The following PSG7 variants were observed in gnomAD, a reference collection of about 807,000 sequenced individuals.
PSG7 encodes pregnancy specific beta-1-glycoprotein 7.
PSG7 carries 57 observed loss-of-function variants against 45.6 expected under a neutral mutation model. That is an observed-to-expected ratio of 1.25 (90% CI 1.01 to 1.56). PSG7 has a LOEUF of 1.56. Among genes scored for constraint, PSG7 ranks in the 40% most tolerant of loss-of-function variants. The pLI is 0.00. For synonymous variants in PSG7, 298 were observed against 194.4 expected, an observed-to-expected ratio of 1.53 and a Z score of -4.43; for missense variants, 796 against 508.4, an observed-to-expected ratio of 1.57 and a Z score of -5.44.
At chr19:42,934,477 T>C (rs896954032) in intron 2 of PSG7, among the ~76,000 whole-genome samples, 13 of 151,618 alleles carry the variant, frequency 8.6e-5, no homozygotes, top group African/African-American at 1.2e-4. Flanking sequence ...GTGACTGTGC[T>C]TTCCTGTGAC....
At position 42,925,198 on chromosome 19, in the gene PSG7, T is replaced by C. The variant is rs1972497794; in HGVS notation, c.1244-374A>G. ...GGTTCATTCTAGCTATATTCTTAAA[T>C]ATAACATCCCAGTCAAAGCCTTGGT... is the stretch of plus-strand genomic sequence containing the variant. On this transcript the variant is annotated intron_variant, in intron 5 of 5. Coordinates refer to ENST00000406070, the MANE Select transcript of PSG7 (RefSeq NM_002783.3). 5 of 322,758 alleles carry C rather than the reference T, an allele frequency of 1.5e-5. 1 individual carries two copies. The South Asian group carries it at 1.8e-4, about 12-fold the overall frequency. 20.0% of individuals were successfully genotyped at this position (322,758 alleles called of 1,614,324 possible).
rs745396622 is a variant in PSG7, at chr19:42,929,528, G to T, written c.623C>A (p.Thr208Lys). 5.5e-5 allele frequency: 88 copies of T among 1,612,546 alleles called. 1 individual carries two copies. The South Asian group carries it at 7.6e-4, about 14-fold the overall frequency. ...TTCATAGGGTCCTGCAGTATAGTTT[G>T]TGACACCAAATAGGTAGAGGGTCCT... is the stretch of plus-strand genomic sequence containing the variant. ...TNRTLYLFGVTNYTAGPYECE... is the reference protein window; with the variant it reads ...TNRTLYLFGVKNYTAGPYECE... Residue 208 changes from threonine (T) to lysine (K), a missense_variant, in exon 3 of 6, where the codon ACA becomes AAA. By Grantham distance (78) the Thr-to-Lys change is moderately conservative (BLOSUM62 -1). Coordinates refer to ENST00000406070, the MANE Select transcript of PSG7 (RefSeq NM_002783.3).
chr19:42,933,427 C>G (rs1369468913), intron 2 of PSG7, among the ~76,000 whole-genome samples: 1 of 146,508 alleles, frequency 6.8e-6, no homozygotes, highest in African/African-American at 2.5e-5. Flanking sequence ...ACAGGTCAGC[C>G]TCACAAAGTG....
At chr19:42,931,897 C>T (rs547512799) in intron 2 of PSG7, among the ~76,000 whole-genome samples, 1 of 151,326 alleles carries the variant, frequency 6.6e-6, no homozygotes, top group Non-Finnish European at 1.5e-5. Context: ...CTTTTTTTCC[C>T]CCACTCTTTT....
chr19:42,935,022 G>A (rs570219068), intron 2 of PSG7, among the ~76,000 whole-genome samples: 130 of 151,754 alleles, frequency 8.6e-4, no homozygotes, highest in African/African-American at 3.1e-3. Context: ...CTGGGGTTGA[G>A]GCTTCTAGGG....
At position 42,926,545 on chromosome 19, in the gene PSG7, A is replaced by T. The variant is rs1306683789; in HGVS notation, c.881T>A (p.Ile294Asn). Reference sequence around the variant, plus strand: ...TCTCGTGACACTGGGTAGAATGAGGATCCTGTTTTCAATGCGTCGCTTTAC... The same window carrying T: ...TCTCGTGACACTGGGTAGAATGAGGTTCCTGTTTTCAATGCGTCGCTTTAC... Reference protein sequence around the residue: ...PRVKRRIENRILILPSVTRNE... With the variant: ...PRVKRRIENRNLILPSVTRNE... Residue 294 changes from isoleucine to asparagine, a missense_variant, in exon 4 of 6, where the codon ATC becomes AAC. Ile to Asn is a moderately radical substitution (Grantham distance 149). Coordinates refer to ENST00000406070, the MANE Select transcript of PSG7 (RefSeq NM_002783.3). 6.2e-7 allele frequency: 1 copy of T among 1,610,478 alleles called. No individual in the cohort carries two copies. Among genetic ancestry groups the T allele is most frequent in the East Asian group, 2.2e-5 (1 of 44,810 alleles).
chr19:42,928,730 G>C (rs1430887063), intron 3 of PSG7, among the ~76,000 whole-genome samples: 3 of 151,292 alleles, frequency 2.0e-5, no homozygotes, highest in African/African-American at 2.4e-5. Context: ...GCTCTTCCCT[G>C]ATAGCCAGAT....
intron 2 of PSG7, 88 bp downstream of exon 2, chr19:42,935,316 G>T: frequency 6.5e-7 from 1 of 1,535,556 alleles, no homozygotes; most frequent in Non-Finnish European, 8.9e-7. Flanking sequence ...GAGGGACACA[G>T]GCACAGTCCA....
chr19:42,935,802 A>T, intron 1 of PSG7, 33 bp from the exon 2 acceptor site: 1 of 1,587,080 alleles, frequency 6.3e-7, no homozygotes, highest in South Asian at 1.2e-5. Context: ...GTCAATATTG[A>T]GACCTATGTG....
In PSG7 at chr19:42,929,628, C is replaced by A; in HGVS notation, c.523G>T (p.Asp175Tyr). ...VILTCDPETP[D>Y]ASYLWWMNGQ... ...TTCATCCACCACAGGTAGCTTGCATCTGGAGTCTCAGGATCACAGGTTAAA... is the reference window on the plus strand; with the variant it reads ...TTCATCCACCACAGGTAGCTTGCATATGGAGTCTCAGGATCACAGGTTAAA... The change falls in exon 3 of 6, where the codon GAT (aspartate) becomes TAT (tyrosine). Residue 175 changes from aspartate to tyrosine, a missense_variant. Transcript: ENST00000406070. 1.9e-6 allele frequency: 3 copies of A among 1,612,574 alleles called. 1 individual carries two copies. In the East Asian group the frequency reaches 6.7e-5, roughly 36 times the overall value.
intron 2 of PSG7, among the ~76,000 whole-genome samples, chr19:42,932,543 C>T (rs1973043337): frequency 6.6e-6 from 1 of 151,364 alleles, no homozygotes; most frequent in Non-Finnish European, 1.5e-5. Context: ...GCCCTTCCAG[C>T]CTCTGACACC....
chr19:42,931,234 A>G lies in PSG7; in HGVS notation c.431-1514T>C, dbSNP rs187624195. On this transcript the variant is annotated intron_variant, in intron 2 of 5. Transcript: ENST00000406070. ...GGAAATTTTTACTGATGGTCCAAAC[A>G]TCTAAGATCAATTGCTGGTAGTAGT... Among the ~76,000 whole-genome samples the G allele has an allele frequency of 5.3e-5, 8 of 151,820 alleles. 1 individual carries two copies. The highest frequency in any genetic ancestry group is 1.9e-4 in the African/African-American group (8 of 41,362).
rs754326999 is a variant in PSG7 at position 42,925,988 on chromosome 19, T to G, written c.1028A>C (p.Tyr343Ser). ...GTAGAGGTTTTGTCCTGAATGGTAATAGGTGAATGAAGGGTAAATTCTGGG... is the reference window on the plus strand; with the variant it reads ...GTAGAGGTTTTGTCCTGAATGGTAAGAGGTGAATGAAGGGTAAATTCTGGG... Reference protein sequence around the residue: ...DLPRIYPSFTYYHSGQNLYLS... With the variant: ...DLPRIYPSFTSYHSGQNLYLS... The change falls in exon 5 of 6, where the codon TAT becomes TCT. Residue 343 changes from tyrosine (Y) to serine (S), a missense_variant. Physicochemically the swap from Tyr to Ser is moderately radical, Grantham distance 144. Transcript: ENST00000406070. The G allele has an allele frequency of 6.2e-7, 1 of 1,611,952 alleles. No individual in the cohort carries two copies. Among genetic ancestry groups the G allele is most frequent in the Admixed American group, 1.7e-5 (1 of 59,864 alleles).
At position 42,928,736 on chromosome 19, in the gene PSG7, C is replaced by T. The variant is rs150173281; in HGVS notation, c.709+706G>A. Among the ~76,000 whole-genome samples, 1,045 of 151,414 alleles carry T rather than the reference C, an allele frequency of 6.9e-3. 36 individuals carry two copies. The highest frequency in any genetic ancestry group is 0.024 in the African/African-American group (998 of 41,200). ...GGGCAGGTGGCTCTTCCCTGATAGC[C>T]AGATAGACTTCCCTGGAAAACATAT... On this transcript the variant is annotated intron_variant, in intron 3 of 5. Transcript: ENST00000406070.
intron 2 of PSG7, among the ~76,000 whole-genome samples, chr19:42,932,877 G>T (rs1973050408): frequency 6.6e-6 from 1 of 151,302 alleles, no homozygotes; most frequent in Admixed American, 6.6e-5. Context: ...CATTTGGCAA[G>T]AGTTTACAAA....
At position 42,926,500 on chromosome 19, in the gene PSG7, T is replaced by C. The variant is rs527999433; in HGVS notation, c.926A>G (p.Gln309Arg). 6.8e-6 allele frequency: 11 copies of C among 1,611,414 alleles called. No individual in the cohort carries two copies. The South Asian group carries it at 1.1e-4, about 16-fold the overall frequency. The change falls in exon 4 of 6, where the codon CAA (glutamine) becomes CGA (arginine). Residue 309 changes from glutamine to arginine, a missense_variant. Physicochemically the swap from Gln to Arg is conservative, Grantham distance 43. Transcript: ENST00000406070. ...SVTRNETGPY[Q>R]CEIRDRYGGI... ...ACCATATCGGTCCCGTATTTCACAT[T>C]GATAGGGTCCTGTTTCATTTCTCGT... is the stretch of plus-strand genomic sequence containing the variant.
In PSG7 at chr19:42,929,249, C is replaced by A. The variant is rs1448352648; in HGVS notation, c.709+193G>T. 2.2e-5 allele frequency: 29 copies of A among 1,309,196 alleles called. No individual in the cohort carries two copies. The South Asian group carries it at 2.3e-4, about 10-fold the overall frequency. The allele number at this position is 1,309,196 out of a possible 1,614,324, so 81.1% of individuals were successfully genotyped here. On this transcript the variant is annotated intron_variant, in intron 3 of 5. Transcript: ENST00000406070. ...GACCCTGAGTCTCCCATGACAGGAG[C>A]AGCCTCTTTTCTCTTATTGTGGATC... is the stretch of plus-strand genomic sequence containing the variant.
In PSG7 at chr19:42,935,756, G is replaced by A. The variant is rs368344111; in HGVS notation, c.78C>T (p.Asn26=). ...GGGCTGTGGTGGGCGGGTTCCAGAA[G>A]TTTAAAAGTGATGCTAGGAGGTGGA... The part of the protein sequence containing the change: ...KGLLLTASLL[N]FWNPPTTAQV... The change falls in exon 2 of 6, where the codon AAC becomes AAT. Residue 26 remains asparagine (N), a synonymous_variant. Coordinates refer to ENST00000406070, the MANE Select transcript of PSG7 (RefSeq NM_002783.3). 18 of 1,610,090 alleles carry A rather than the reference G, an allele frequency of 1.1e-5. No homozygotes were observed. Among genetic ancestry groups the A allele is most frequent in the Non-Finnish European group, 1.4e-5 (17 of 1,178,278 alleles).
At chr19:42,930,915 T>G (rs1973007082) in intron 2 of PSG7, among the ~76,000 whole-genome samples, 3 of 151,670 alleles carry the variant, frequency 2.0e-5, no homozygotes, top group Non-Finnish European at 4.4e-5. Context: ...TGTTTTCAAT[T>G]TCTAATTTTT....
Sources: allele counts gnomAD v4.1 joint callset (sites outside exome capture counted in the v4.1 genomes callset), GRCh38; gene constraint gnomAD v4.1.1; transcripts MANE v1.5; gene names NCBI Gene and HGNC (gene_info 2026-07-23, HGNC 2026-07-21).